Variants in DENND1A observed in about 807,000 individuals in gnomAD.
The protein encoded by DENND1A is DENN domain containing 1A.
Under a neutral mutation model 113.7 loss-of-function variants are expected in DENND1A, and 51 were observed. The ratio of observed to expected loss-of-function variants is 0.45; its 90% confidence interval spans 0.36 to 0.57. The LOEUF (loss-of-function observed/expected upper bound fraction) is 0.57, where lower values mean the gene tolerates loss of function less well. DENND1A is among the 20% of genes least tolerant of loss of function. The pLI is 0.00. For synonymous variants in DENND1A, 565 were observed against 570.8 expected (o/e 0.99, Z 0.14); for missense variants, 1,258 against 1,395.9 (o/e 0.90, Z 1.57).
intron 6 of DENND1A, among the ~76,000 whole-genome samples, chr9:123,675,598 C>T (rs969949520): frequency 6.6e-6 from 1 of 151,986 alleles, no homozygotes. Context: ...AAATCTTAGG[C>T]CATTTACAAA....
chr9:123,694,571 G>A (rs1489153371), intron 5 of DENND1A, among the ~76,000 whole-genome samples: 1 of 152,164 alleles, frequency 6.6e-6, no homozygotes, highest in Non-Finnish European at 1.5e-5. Context: ...ATATTACTCT[G>A]TCCTTTCCTC....
chr9:123,387,207 G>A (rs1378389179), intron 22 of DENND1A, among the ~76,000 whole-genome samples: 3 of 152,162 alleles, frequency 2.0e-5, no homozygotes, highest in East Asian at 1.9e-4. Flanking sequence ...TTTAAAAATC[G>A]CTACTTGTAA....
At chr9:123,737,454 C>T (rs2068651485) in intron 5 of DENND1A, among the ~76,000 whole-genome samples, 1 of 152,170 alleles carries the variant, frequency 6.6e-6, no homozygotes, top group Non-Finnish European at 1.5e-5. Flanking sequence ...TCCCAAAGCA[C>T]TAGGATTACA....
At position 123,499,500 on chromosome 9, in the gene DENND1A, G is replaced by A. The variant is rs887617228; in HGVS notation, c.994-41603C>T. Among the ~76,000 whole-genome samples the A allele has an allele frequency of 9.2e-5, 14 of 152,140 alleles. No homozygotes were observed. In the East Asian group the frequency reaches 1.2e-3, roughly 13 times the overall value. On this transcript the variant is annotated intron_variant, in intron 13 of 23. Coordinates refer to ENST00000394215, the MANE Select transcript of DENND1A (RefSeq NM_001352964.2). ...CAGCCCTTGCTGAGCACCAGGCAGCGCTCTCATCACTTTATATATATTAAC... is the reference window on the plus strand; with the variant it reads ...CAGCCCTTGCTGAGCACCAGGCAGCACTCTCATCACTTTATATATATTAAC...
At chr9:123,600,763 G>A (rs1248405450) in intron 11 of DENND1A, among the ~76,000 whole-genome samples, 2 of 151,904 alleles carry the variant, frequency 1.3e-5, no homozygotes, top group African/African-American at 4.8e-5. Flanking sequence ...CCCAGGAGGC[G>A]GAGGATGCAG....
At chr9:123,842,403 C>G (rs1333283346) in intron 2 of DENND1A, among the ~76,000 whole-genome samples, 3 of 151,754 alleles carry the variant, frequency 2.0e-5, no homozygotes, top group Admixed American at 6.6e-5. Context: ...TGCAGAAATA[C>G]AGAGGAGCAA....
intron 11 of DENND1A, among the ~76,000 whole-genome samples, chr9:123,587,885 T>C (rs1210701922): frequency 6.6e-6 from 1 of 152,178 alleles, no homozygotes; most frequent in Admixed American, 6.5e-5. Context: ...ATCCGATCGC[T>C]CAGACATCAG....
intron 2 of DENND1A, among the ~76,000 whole-genome samples, chr9:123,806,061 C>T (rs561480047): frequency 6.6e-6 from 1 of 151,842 alleles, no homozygotes; most frequent in African/African-American, 2.4e-5. Context: ...TCAAGTGATT[C>T]TCCTGCCTCA....
At chr9:123,831,983 C>CA (rs1002523177) in intron 2 of DENND1A, among the ~76,000 whole-genome samples, 83 of 148,338 alleles carry the variant, frequency 5.6e-4, no homozygotes, top group East Asian at 2.0e-3. Context: ...ACTCCATCTC[C>CA]AAAAAAAAAC....
At chr9:123,547,893 A>G (rs371066416) in intron 13 of DENND1A, among the ~76,000 whole-genome samples, 6 of 152,170 alleles carry the variant, frequency 3.9e-5, no homozygotes, top group African/African-American at 1.4e-4. Context: ...AGGGATGGTC[A>G]CTATCATTTA....
chr9:123,877,026 T>C (rs573785140), intron 2 of DENND1A, among the ~76,000 whole-genome samples: 34 of 152,102 alleles, frequency 2.2e-4, no homozygotes, highest in Non-Finnish European at 4.4e-4. Context: ...TGTGGAATAA[T>C]AGGCACTGGA....
At chr9:123,602,607 C>A (rs1358713519) in intron 11 of DENND1A, among the ~76,000 whole-genome samples, 9 of 152,248 alleles carry the variant, frequency 5.9e-5, no homozygotes, top group Non-Finnish European at 2.9e-5. Flanking sequence ...AACCCTTTCC[C>A]TTTCTTGCCA....
intron 1 of DENND1A, among the ~76,000 whole-genome samples, chr9:123,911,847 T>C (rs147729618): frequency 0.082 from 12,514 of 152,080 alleles, 690 homozygotes; most frequent in Non-Finnish European, 0.12. Flanking sequence ...CCCGCCACCA[T>C]GCCCGGCTAA....
chr9:123,645,815 C>T (rs1451312127), intron 9 of DENND1A, among the ~76,000 whole-genome samples: 3 of 152,192 alleles, frequency 2.0e-5, no homozygotes, highest in East Asian at 1.9e-4. Flanking sequence ...ACCCTTCACT[C>T]GAAGTAATCA....
At chr9:123,449,186 C>A (rs927357112) in intron 18 of DENND1A, among the ~76,000 whole-genome samples, 1 of 152,150 alleles carries the variant, frequency 6.6e-6, no homozygotes. Flanking sequence ...CAGGGCTGTT[C>A]TGAGGATTAA....
chr9:123,733,669 TA>T (rs1489935291), intron 5 of DENND1A, among the ~76,000 whole-genome samples: 4 of 141,632 alleles, frequency 2.8e-5, no homozygotes, highest in African/African-American at 8.7e-5. Context: ...TCTTGTTGGT[TA>T]TTTTTTTTTT....
chr9:123,807,309 A>C (rs1324170168), intron 2 of DENND1A, among the ~76,000 whole-genome samples: 2 of 152,182 alleles, frequency 1.3e-5, no homozygotes, highest in African/African-American at 4.8e-5. Context: ...TTAGATTTAC[A>C]TTACAACAGT....
intron 1 of DENND1A, among the ~76,000 whole-genome samples, chr9:123,913,627 C>T (rs972196938): frequency 4.6e-5 from 7 of 152,146 alleles, no homozygotes; most frequent in Non-Finnish European, 7.4e-5. Flanking sequence ...AAAATCCGAC[C>T]GGGCATGGTG....
intron 10 of DENND1A, among the ~76,000 whole-genome samples, chr9:123,619,514 C>T (rs995357952): frequency 2.0e-5 from 3 of 152,150 alleles, no homozygotes; most frequent in African/African-American, 4.8e-5. Flanking sequence ...CAACTCTCCA[C>T]GTTCAGGTGA....
Sources: gnomAD v4.1 joint callset for allele counts (sites outside exome capture counted in the v4.1 genomes callset) on GRCh38, gnomAD v4.1.1 for gene constraint, MANE v1.5 for transcripts, NCBI Gene and HGNC (gene_info 2026-07-23, HGNC 2026-07-21) for gene names.